Variants in RIMBP2 observed in about 807,000 individuals in gnomAD.
RIMBP2 encodes the protein RIMS binding protein 2.
In RIMBP2, 48 loss-of-function variants were observed where a neutral mutation model predicts 118.6. The observed-to-expected ratio is 0.40, with a 90% CI of 0.32 to 0.51. The LOEUF (loss-of-function observed/expected upper bound fraction) is 0.51. RIMBP2 is among the 20% of genes least tolerant of loss of function. The probability of loss-of-function intolerance (pLI) is 0.41; values close to 1 mark genes in which losing one functional copy is unlikely to be tolerated. For missense variants in RIMBP2, 1,551 were observed against 1,768.3 expected (o/e 0.88, Z 2.20); for synonymous variants, 762 against 742.9 (o/e 1.03, Z -0.42).
chr12:130,643,274 C>T (rs995954985), intron 1 of RIMBP2, among the ~76,000 whole-genome samples: 11 of 152,230 alleles, frequency 7.2e-5, no homozygotes, highest in Non-Finnish European at 1.5e-4. Context: ...ACAGCAGCAG[C>T]TCCCCACTCC....
At chr12:130,649,867 T>C (rs1030669786) in intron 1 of RIMBP2, among the ~76,000 whole-genome samples, 1 of 151,972 alleles carries the variant, frequency 6.6e-6, no homozygotes, top group Non-Finnish European at 1.5e-5. Flanking sequence ...ACCCCAGCAC[T>C]TCACACTCTG....
intron 17 of RIMBP2, among the ~76,000 whole-genome samples, chr12:130,417,404 C>T (rs2076165676): frequency 6.6e-6 from 1 of 152,180 alleles, no homozygotes; most frequent in Non-Finnish European, 1.5e-5. Flanking sequence ...GCTATGCAGC[C>T]AGAGAAATGA....
At chr12:130,663,948 C>T (rs758645168) in intron 1 of RIMBP2, among the ~76,000 whole-genome samples, 2 of 151,578 alleles carry the variant, frequency 1.3e-5, no homozygotes, top group Non-Finnish European at 2.9e-5. Flanking sequence ...CTTCACACAG[C>T]GAAGAACTGT....
intron 1 of RIMBP2, among the ~76,000 whole-genome samples, chr12:130,639,311 C>T (rs1432247212): frequency 3.3e-5 from 5 of 150,910 alleles, no homozygotes; most frequent in East Asian, 3.9e-4. Flanking sequence ...ATCGTTTGAA[C>T]CCGGGAGGTA....
intron 20 of RIMBP2, among the ~76,000 whole-genome samples, chr12:130,406,595 T>TA (rs2136362765): frequency 6.6e-6 from 1 of 152,376 alleles, no homozygotes; most frequent in Non-Finnish European, 1.5e-5. Context: ...TAAGGACCAT[T>TA]ACGTAAATAT....
intron 1 of RIMBP2, among the ~76,000 whole-genome samples, chr12:130,642,193 G>A (rs2062653410): frequency 6.6e-6 from 1 of 152,188 alleles, no homozygotes; most frequent in African/African-American, 2.4e-5. Context: ...AAGAGAAGAT[G>A]GCTTCCCCTC....
At chr12:130,494,079 T>TGG (rs2048900224) in intron 4 of RIMBP2, among the ~76,000 whole-genome samples, 1 of 152,154 alleles carries the variant, frequency 6.6e-6, no homozygotes, top group African/African-American at 2.4e-5. Context: ...TTGTGATGCA[T>TGG]GGGTAAACTG....
chr12:130,630,402 T>C (rs1566402396), intron 1 of RIMBP2, among the ~76,000 whole-genome samples: 1 of 151,964 alleles, frequency 6.6e-6, no homozygotes, highest in African/African-American at 2.4e-5. Context: ...CCACCAAATA[T>C]TTAAAAACAA....
At chr12:130,675,975 T>C (rs927446253) in intron 1 of RIMBP2, among the ~76,000 whole-genome samples, 2 of 152,216 alleles carry the variant, frequency 1.3e-5, no homozygotes, top group Non-Finnish European at 2.9e-5. Context: ...GCTCTCACGA[T>C]GGCATTAGCG....
chr12:130,689,943 G>A (rs1224541793), intron 1 of RIMBP2, among the ~76,000 whole-genome samples: 1 of 152,188 alleles, frequency 6.6e-6, no homozygotes, highest in Admixed American at 6.5e-5. Context: ...TTGTCTGCAG[G>A]CTCAGGAGTA....
intron 2 of RIMBP2, among the ~76,000 whole-genome samples, chr12:130,588,130 C>A (rs1266039725): frequency 6.6e-6 from 1 of 152,098 alleles, no homozygotes; most frequent in Non-Finnish European, 1.5e-5. Flanking sequence ...GCCCAACAAT[C>A]CAACTCCTCT....
intron 1 of RIMBP2, among the ~76,000 whole-genome samples, chr12:130,641,875 C>T (rs1476784896): frequency 6.6e-6 from 1 of 152,080 alleles, no homozygotes; most frequent in Non-Finnish European, 1.5e-5. Flanking sequence ...AATGACAGCT[C>T]GCCAGGGCCA....
In RIMBP2 at chr12:130,442,010, T is replaced by C. The variant is rs2078176272; in HGVS notation, c.1342A>G (p.Ile448Val). The C allele has an allele frequency of 1.2e-6, 2 of 1,614,080 alleles. No homozygotes were observed. Among genetic ancestry groups the C allele is most frequent in the South Asian group, 1.1e-5 (1 of 91,092 alleles). Reference sequence around the variant, plus strand: ...TACTTGTACCTGGCGGCCTTGACGATGTCGAACTCCTCCTCGTTGAGGAAG... The same window carrying C: ...TACTTGTACCTGGCGGCCTTGACGACGTCGAACTCCTCCTCGTTGAGGAAG... The part of the protein sequence containing the change: ...VIFLNEEEFD[I>V]VKAARYKYQF... The change falls in exon 11 of 23, where the codon ATC becomes GTC. Residue 448 changes from isoleucine (I) to valine (V), a missense_variant. Ile to Val is a conservative substitution (Grantham distance 29). Coordinates refer to ENST00000690449, the MANE Select transcript of RIMBP2 (RefSeq NM_001393629.1). The surrounding 1 kb of genome is among the most constrained non-coding windows in gnomAD (Gnocchi z 6.9).
At chr12:130,599,509 G>T (rs2059749419) in intron 2 of RIMBP2, among the ~76,000 whole-genome samples, 1 of 152,170 alleles carries the variant, frequency 6.6e-6, no homozygotes, top group Admixed American at 6.5e-5. Flanking sequence ...ATGAAAAGAT[G>T]AGCAATAGCA....
rs911367200 is a variant in RIMBP2 at position 130,492,874 on chromosome 12, A to G, written c.-4+13774T>C. Reference sequence around the variant, plus strand: ...ACCAGGTGCGGCAGCTCACGCCTGTAATCCCAGCACTTTGGGAGGCCGAGG... The same window carrying G: ...ACCAGGTGCGGCAGCTCACGCCTGTGATCCCAGCACTTTGGGAGGCCGAGG... On this transcript the variant is annotated intron_variant, in intron 4 of 22. Coordinates refer to ENST00000690449, the MANE Select transcript of RIMBP2 (RefSeq NM_001393629.1). Among the ~76,000 whole-genome samples, 10 of 152,370 alleles carry G rather than the reference A, an allele frequency of 6.6e-5. No homozygotes were observed. In the South Asian group the frequency reaches 1.0e-3, roughly 16 times the overall value.
At chr12:130,439,432 T>C (rs1205048078) in intron 11 of RIMBP2, among the ~76,000 whole-genome samples, 2 of 144,764 alleles carry the variant, frequency 1.4e-5, no homozygotes, top group African/African-American at 2.7e-5. Context: ...TATATGTGTA[T>C]GTGGGTGTGT....
At chr12:130,465,092 G>A (rs956290628) in intron 6 of RIMBP2, 1 of 152,286 alleles carries the variant, frequency 6.6e-6, no homozygotes, top group Non-Finnish European at 1.5e-5. Context: ...GACCCCTAAA[G>A]GCAAAGGCCA....
Position 130,456,675 on chromosome 12 carries a change from T to C in RIMBP2, c.179A>G (p.Lys60Arg), listed in dbSNP as rs2079472300. 2 of 1,608,982 alleles carry C rather than the reference T, an allele frequency of 1.2e-6. No homozygotes were observed. The highest frequency in any genetic ancestry group is 1.7e-6 in the Non-Finnish European group (2 of 1,176,264). ...GAACTGCTCACTTTGAGTCCGGCATTTCTCTTCCAGCTCTCGAACCTTGGA... is the reference window on the plus strand; with the variant it reads ...GAACTGCTCACTTTGAGTCCGGCATCTCTCTTCCAGCTCTCGAACCTTGGA... ...LESKVRELEE[K>R]CRTQSEQFNL... Residue 60 changes from lysine (K) to arginine (R), a missense_variant, in exon 7 of 23, where the codon AAA (lysine) becomes AGA (arginine). By Grantham distance (26) the Lys-to-Arg change is conservative. Transcript: ENST00000690449.
In RIMBP2 at chr12:130,512,607, G is replaced by T. The variant is rs2051034648; in HGVS notation, c.-127+5221C>A. On this transcript the variant is annotated intron_variant, in intron 3 of 22. Transcript: ENST00000690449. ...CAAAGTGCTGGGATTACAGGCGTGA[G>T]CCACCGCACCCGGCCTGGGTCCCTG... Among the ~76,000 whole-genome samples the T allele has an allele frequency of 2.0e-5, 3 of 152,186 alleles. No individual in the cohort carries two copies. The South Asian group carries it at 6.2e-4, about 32-fold the overall frequency.
Sources: gnomAD v4.1 joint callset for allele counts (sites outside exome capture counted in the v4.1 genomes callset) on GRCh38, gnomAD v4.1.1 for gene constraint, Gnocchi (gnomAD v3.1) non-coding constraint, MANE v1.5 for transcripts, NCBI Gene and HGNC (gene_info 2026-07-23, HGNC 2026-07-21) for gene names.